The following MYO1A variants were observed in gnomAD, a reference collection of about 807,000 sequenced individuals.
MYO1A encodes myosin IA, also known as unconventional myosin-Ia.
MYO1A carries 127 observed loss-of-function variants against 138.5 expected under a neutral mutation model. The ratio of observed to expected loss-of-function variants is 0.92; its 90% confidence interval spans 0.79 to 1.06. The LOEUF (loss-of-function observed/expected upper bound fraction) is 1.06, where lower values mean the gene tolerates loss of function less well. Among genes scored for constraint, MYO1A ranks in the 50% least tolerant of loss-of-function variants. The pLI is 0.00. For missense variants in MYO1A, 1,211 were observed against 1,288.8 expected (o/e 0.94, Z 0.92); for synonymous variants, 477 against 497.5 (o/e 0.96, Z 0.55).
At position 57,043,973 on chromosome 12, in the gene MYO1A, C is replaced by A; in HGVS notation, c.775G>T (p.Glu259Ter). 1 of 1,614,166 alleles carries A rather than the reference C, an allele frequency of 6.2e-7. No individual in the cohort carries two copies. Among genetic ancestry groups the A allele is most frequent in the Non-Finnish European group, 8.5e-7 (1 of 1,180,012 alleles). ...SAMAVIGFSE[E>*]EIRQVLEVTS... ...ACCTCTAGCACTTGTCGAATCTCCTCCTCCGAGAACCCAATCACTGCCATT... is the reference window on the plus strand; with the variant it reads ...ACCTCTAGCACTTGTCGAATCTCCTACTCCGAGAACCCAATCACTGCCATT... The change falls in exon 10 of 28, where the codon GAG becomes TAG. Residue 259 changes from glutamate to a stop codon, truncating the protein, a stop_gained. Coordinates refer to ENST00000300119, the MANE Select transcript of MYO1A (RefSeq NM_005379.4). LOFTEE classifies it high-confidence loss of function.
chr12:57,039,926 T>C (rs1322801750), intron 14 of MYO1A, among the ~76,000 whole-genome samples: 1 of 152,196 alleles, frequency 6.6e-6, no homozygotes, highest in Non-Finnish European at 1.5e-5. Context: ...ACATGAGACT[T>C]TGAGACTATA....
At chr12:57,046,443 G>A (rs1343522398) in intron 8 of MYO1A, 109 bp downstream of exon 8, 2 of 834,646 alleles carry the variant, frequency 2.4e-6, no homozygotes, top group Non-Finnish European at 2.1e-6. Context: ...AGGCTCAAGG[G>A]AAGAGGGCTG....
chr12:57,044,718 T>G (rs1014448095), intron 8 of MYO1A, among the ~76,000 whole-genome samples: 1 of 152,212 alleles, frequency 6.6e-6, no homozygotes, highest in African/African-American at 2.4e-5. Context: ...TTTTAAGTAG[T>G]GTTTAGGGTT....
At position 57,046,860 on chromosome 12, in the gene MYO1A, TAC is replaced by T. The variant is rs761079361; in HGVS notation, c.541+1_541+2del. On this transcript the variant is annotated splice_donor_variant, in intron 7 of 27. Transcript: ENST00000300119. LOFTEE classifies it high-confidence loss of function. ...AGGTGAGTGGAATTGGGGAGACACG[TAC>T]AGTTTGTGATGACACCACCGAGGGG... 3 of 1,613,914 alleles carry T rather than the reference TAC, an allele frequency of 1.9e-6. No individual in the cohort carries two copies. The East Asian group carries it at 6.7e-5, about 36-fold the overall frequency.
intron 3 of MYO1A, 100 bp from the exon 4 acceptor site, chr12:57,047,821 G>A: frequency 6.4e-7 from 1 of 1,568,972 alleles, no homozygotes; most frequent in East Asian, 2.4e-5. Flanking sequence ...CTCTCTACTT[G>A]GAGCAGACTG....
intron 15 of MYO1A, 89 bp from the exon 16 acceptor site, chr12:57,039,098 T>C: frequency 6.4e-7 from 1 of 1,560,370 alleles, no homozygotes; most frequent in Non-Finnish European, 8.8e-7. Flanking sequence ...TCCACTCTTA[T>C]CTTCTGCCCT....
chr12:57,040,672 A>T (rs1301475328), intron 14 of MYO1A, among the ~76,000 whole-genome samples: 1 of 152,224 alleles, frequency 6.6e-6, no homozygotes, highest in African/African-American at 2.4e-5. Context: ...TGAGACTCTC[A>T]GCCATTCACA....
At chr12:57,030,781 T>C (rs1007144688) in intron 23 of MYO1A, among the ~76,000 whole-genome samples, 1 of 152,142 alleles carries the variant, frequency 6.6e-6, no homozygotes, top group African/African-American at 2.4e-5. Context: ...TATTGCTTAA[T>C]GGGTACAGAG....
Position 57,036,929 on chromosome 12 carries a change from G to C in MYO1A, c.2205+13C>G, listed in dbSNP as rs2030576926. On this transcript the variant is annotated intron_variant, in intron 20 of 27. Transcript: ENST00000300119. ...TTAGAGTGAACAGAGTGGGACTTTG[G>C]GGATGACCGTACCATGTTTCCCCGA... 1 of 1,614,184 alleles carries C rather than the reference G, an allele frequency of 6.2e-7. No individual in the cohort carries two copies. The highest frequency in any genetic ancestry group is 8.5e-7 in the Non-Finnish European group (1 of 1,180,032).
intron 17 of MYO1A, 45 bp downstream of exon 17, chr12:57,038,367 T>A (rs745943800): frequency 1.9e-6 from 3 of 1,593,184 alleles, no homozygotes; most frequent in Non-Finnish European, 2.6e-6. Flanking sequence ...ACCCTGCACG[T>A]GCCATCACAT....
intron 12 of MYO1A, 44 bp from the exon 13 acceptor site, chr12:57,041,541 C>G (rs1225828964): frequency 6.5e-7 from 1 of 1,528,278 alleles, no homozygotes; most frequent in South Asian, 1.1e-5. Flanking sequence ...GCCCCCTCTG[C>G]ACACCAGGCC....
Position 57,036,468 on chromosome 12 carries a change from T to G in MYO1A, c.2275-87A>C, listed in dbSNP as rs1039333649. 3.0e-6 allele frequency: 4 copies of G among 1,321,936 alleles called. No individual in the cohort carries two copies. The African/African-American group carries it at 4.3e-5, about 14-fold the overall frequency. 81.9% of individuals were successfully genotyped at this position (1,321,936 alleles called of 1,614,324 possible). A position where few individuals can be genotyped will look rare whatever the true frequency, so the allele number is the denominator to read the frequency against. ...ACTATTTTTCAACCACGCAAAGACC[T>G]GAGTAAGATAAAGAGCTGAGACTGT... On this transcript the variant is annotated intron_variant, in intron 21 of 27. Transcript: ENST00000300119.
intron 22 of MYO1A, among the ~76,000 whole-genome samples, chr12:57,031,645 G>A (rs567620201): frequency 2.6e-5 from 4 of 152,330 alleles, no homozygotes; most frequent in Admixed American, 2.6e-4. Flanking sequence ...AAGGAGCAAA[G>A]GAGAAAGAGC....
rs143428809 is a variant in MYO1A at position 57,048,229 on chromosome 12, T to C, written c.95A>G (p.Tyr32Cys). ...ESLLKNLQLR[Y>C]ENKEIYTYIG... Reference sequence around the variant, plus strand: ...ACTCACATAAATCTCCTTGTTTTCATAGCGAAGCTGAAGATTCTTGAGCAG... The same window carrying C: ...ACTCACATAAATCTCCTTGTTTTCACAGCGAAGCTGAAGATTCTTGAGCAG... Residue 32 changes from tyrosine to cysteine, a missense_variant, in exon 2 of 28, where the codon TAT becomes TGT. Transcript: ENST00000300119. The C allele has an allele frequency of 3.1e-6, 5 of 1,613,988 alleles. No individual in the cohort carries two copies. In the African/African-American group the frequency reaches 4.0e-5, roughly 13 times the overall value.
intron 14 of MYO1A, among the ~76,000 whole-genome samples, chr12:57,040,506 A>C (rs1208210087): frequency 6.6e-6 from 1 of 152,242 alleles, no homozygotes; most frequent in Non-Finnish European, 1.5e-5. Flanking sequence ...AAGCATGGGA[A>C]TGTATTATGT....
In MYO1A at chr12:57,036,808, G is replaced by C. The variant is rs140932379; in HGVS notation, c.2238C>G (p.Ser746=). The change falls in exon 21 of 28, where the codon TCC becomes TCG. Residue 746 remains serine (S), a synonymous_variant. Transcript: ENST00000300119. ...TCACAAAAGCCTGGATCAATAACACGGATGCCTTTATCTTCCCATAGCATT... is the reference window on the plus strand; with the variant it reads ...TCACAAAAGCCTGGATCAATAACACCGATGCCTTTATCTTCCCATAGCATT... ...QKKCYGKIKA[S]VLLIQAFVRG... is the part of the protein sequence containing the mutation. 728 of 1,614,070 alleles carry C rather than the reference G, an allele frequency of 4.5e-4. 1 individual carries two copies. Among genetic ancestry groups the C allele is most frequent in the Middle Eastern group, 2.1e-3 (13 of 6,084 alleles).
rs771897400 is a variant in MYO1A, at chr12:57,029,496, T to A, written c.2816A>T (p.Asn939Ile). 1.2e-6 allele frequency: 2 copies of A among 1,614,208 alleles called. No individual in the cohort carries two copies. Among genetic ancestry groups the A allele is most frequent in the South Asian group, 1.1e-5 (1 of 91,076 alleles). ...GCTGGTGACTGACACCCCAGCCACA[T>A]TGTCTAGCCCAATGACAATTTTGGC... Reference protein sequence around the residue: ...SQAKIVIGLDNVAGVSVTSLK... With the variant: ...SQAKIVIGLDIVAGVSVTSLK... Residue 939 changes from asparagine (N) to isoleucine (I), a missense_variant, in exon 26 of 28, where the codon AAT (asparagine) becomes ATT (isoleucine). Coordinates refer to ENST00000300119, the MANE Select transcript of MYO1A (RefSeq NM_005379.4).
chr12:57,038,152 A>G, intron 17 of MYO1A, 83 bp from the exon 18 acceptor site: 1 of 1,486,828 alleles, frequency 6.7e-7, no homozygotes, highest in African/African-American at 1.4e-5. Flanking sequence ...TATGCTGCAC[A>G]CGGTGCACTT....
Position 57,028,599 on chromosome 12 carries a change from A to C in MYO1A, c.*156T>G. On this transcript the variant is annotated 3_prime_UTR_variant, in exon 28 of 28. Transcript: ENST00000300119. ...AGCTACTTTTGGAGGAGAGAACAAG[A>C]AGGGTTTGGGACAAGGGTCCTCTTC... is the stretch of plus-strand genomic sequence containing the variant. The C allele has an allele frequency of 1.0e-6, 1 of 981,642 alleles. No individual in the cohort carries two copies. The highest frequency in any genetic ancestry group is 1.5e-6 in the Non-Finnish European group (1 of 665,956). The allele number at this position is 981,642 out of a possible 1,614,324, so 60.8% of individuals were successfully genotyped here.
Sources: allele counts gnomAD v4.1 joint callset (sites outside exome capture counted in the v4.1 genomes callset), GRCh38; gene constraint gnomAD v4.1.1; transcripts MANE v1.5; gene names NCBI Gene and HGNC (gene_info 2026-07-23, HGNC 2026-07-21).